Variants in RBMS3 observed in about 807,000 individuals in gnomAD.
The protein encoded by RBMS3 is RNA-binding motif, single-stranded-interacting protein 3.
In RBMS3, 27 loss-of-function variants were observed where a neutral mutation model predicts 66.8. The ratio of observed to expected loss-of-function variants is 0.40; its 90% CI spans 0.30 to 0.56. RBMS3 has a LOEUF of 0.56. Ranked by LOEUF, RBMS3 falls within the 20% of genes least tolerant of loss-of-function variation. The pLI is 0.40. For missense variants in RBMS3, 513 were observed against 549.5 expected, an observed-to-expected ratio of 0.93 and a Z score of 0.66; for synonymous variants, 188 against 183.0, an observed-to-expected ratio of 1.03 and a Z score of -0.22.
chr3:29,859,622 C>A (rs562450049), intron 6 of RBMS3, among the ~76,000 whole-genome samples: 1 of 152,310 alleles, frequency 6.6e-6, no homozygotes, highest in East Asian at 1.9e-4. Flanking sequence ...GATTTTATTA[C>A]AACTAAGAAT....
At chr3:29,444,788 CTT>C (rs558839351) in intron 2 of RBMS3, among the ~76,000 whole-genome samples, 2,134 of 50,172 alleles carry the variant, frequency 0.043, 18 homozygotes, top group Non-Finnish European at 0.065. Flanking sequence ...AAATATATGC[CTT>C]TTTTTTTTTT....
At chr3:29,964,842 A>G (rs1003631292) in intron 12 of RBMS3, among the ~76,000 whole-genome samples, 39 of 152,010 alleles carry the variant, frequency 2.6e-4, no homozygotes, top group Admixed American at 2.0e-3. Flanking sequence ...ACACTGCACC[A>G]TATTTGTAGT....
chr3:29,994,355 G>T (rs1699078425), intron 14 of RBMS3, among the ~76,000 whole-genome samples: 1 of 152,226 alleles, frequency 6.6e-6, no homozygotes, highest in African/African-American at 2.4e-5. Context: ...GCTGGGGGAG[G>T]GGCACCCGCC....
chr3:29,998,920 G>C (rs868589349), intron 14 of RBMS3, among the ~76,000 whole-genome samples: 2 of 152,020 alleles, frequency 1.3e-5, no homozygotes, highest in Admixed American at 6.5e-5. Flanking sequence ...ATTGACAAAT[G>C]GGATCTAATT....
intron 4 of RBMS3, among the ~76,000 whole-genome samples, chr3:29,712,106 G>T (rs1210525721): frequency 6.6e-6 from 1 of 152,048 alleles, no homozygotes; most frequent in East Asian, 1.9e-4. Flanking sequence ...TTGTTCTTTT[G>T]CCTCATTATA....
intron 4 of RBMS3, among the ~76,000 whole-genome samples, chr3:29,625,704 A>G (rs62237672): frequency 3.2e-4 from 42 of 133,254 alleles, no homozygotes; most frequent in East Asian, 2.3e-3. Flanking sequence ...ATTAAAGTAA[A>G]TAAATAAATA....
chr3:29,718,353 C>A (rs188728607), intron 4 of RBMS3, among the ~76,000 whole-genome samples: 1 of 151,522 alleles, frequency 6.6e-6, no homozygotes, highest in Non-Finnish European at 1.5e-5. Context: ...AAGCAGCCCA[C>A]GAGGCAAAAA....
chr3:29,478,924 T>A (rs553080120), intron 2 of RBMS3, among the ~76,000 whole-genome samples: 1 of 152,202 alleles, frequency 6.6e-6, no homozygotes, highest in South Asian at 2.1e-4. Flanking sequence ...GTTGGTAATT[T>A]TTCTGCGTTT....
At chr3:29,304,352 A>G (rs1559473874) in intron 1 of RBMS3, among the ~76,000 whole-genome samples, 1 of 151,970 alleles carries the variant, frequency 6.6e-6, no homozygotes, top group Non-Finnish European at 1.5e-5. Flanking sequence ...AGTTAAACTG[A>G]TATTTGGAAT....
At chr3:29,987,802 A>G (rs1698531907) in intron 12 of RBMS3, among the ~76,000 whole-genome samples, 1 of 152,180 alleles carries the variant, frequency 6.6e-6, no homozygotes, top group Non-Finnish European at 1.5e-5. Context: ...AGTAAAAAAG[A>G]GACATCATCC....
At chr3:29,576,782 T>A (rs1210941907) in intron 3 of RBMS3, among the ~76,000 whole-genome samples, 1 of 152,148 alleles carries the variant, frequency 6.6e-6, no homozygotes, top group African/African-American at 2.4e-5. Flanking sequence ...ATTGAGGGGT[T>A]CTGCCAGGCC....
chr3:29,534,983 T>G (rs1438150476), intron 3 of RBMS3, among the ~76,000 whole-genome samples: 1 of 151,994 alleles, frequency 6.6e-6, no homozygotes, highest in Non-Finnish European at 1.5e-5. Context: ...GGATATATGG[T>G]AGCAACTGGT....
intron 3 of RBMS3, among the ~76,000 whole-genome samples, chr3:29,573,313 G>T (rs1440282115): frequency 1.3e-5 from 2 of 152,074 alleles, no homozygotes; most frequent in African/African-American, 4.8e-5. Flanking sequence ...TAGAGATGGG[G>T]TTTCACCATG....
chr3:29,465,450 C>CAGAGTAATATG (rs1316442021), intron 2 of RBMS3, among the ~76,000 whole-genome samples: 2 of 137,036 alleles, frequency 1.5e-5, no homozygotes, highest in East Asian at 4.7e-4. Flanking sequence ...TATGTTCCTC[C>CAGAGTAATATG]TTCTATTATC....
chr3:29,409,658 T>C (rs536816894), intron 1 of RBMS3, among the ~76,000 whole-genome samples: 146 of 152,336 alleles, frequency 9.6e-4, no homozygotes, highest in African/African-American at 3.3e-3. Context: ...CACTGCTTTA[T>C]CATACTCGTG....
chr3:29,789,158 A>G (rs988355063), intron 6 of RBMS3, among the ~76,000 whole-genome samples: 17 of 151,812 alleles, frequency 1.1e-4, no homozygotes, highest in Admixed American at 3.3e-4. Flanking sequence ...GACTTCATTC[A>G]TGATGTATTT....
At chr3:29,737,600 TA>T (rs1196611041) in intron 4 of RBMS3, among the ~76,000 whole-genome samples, 1 of 152,126 alleles carries the variant, frequency 6.6e-6, no homozygotes, top group Non-Finnish European at 1.5e-5. Context: ...ATGTGAAGAT[TA>T]AAATTAAATG....
chr3:29,947,710 T>C (rs1476790258), intron 12 of RBMS3, among the ~76,000 whole-genome samples: 4 of 151,396 alleles, frequency 2.6e-5, no homozygotes, highest in Non-Finnish European at 4.4e-5. Context: ...CTTAAGCAAA[T>C]GTTAATGAAA....
At chr3:29,491,625 G>A (rs2043547195) in intron 3 of RBMS3, among the ~76,000 whole-genome samples, 1 of 152,150 alleles carries the variant, frequency 6.6e-6, no homozygotes, top group Admixed American at 6.5e-5. Flanking sequence ...AAGGAAGGAA[G>A]AGAGGGAAGG....
Sources: gnomAD v4.1 joint callset for allele counts (sites outside exome capture counted in the v4.1 genomes callset) on GRCh38, gnomAD v4.1.1 for gene constraint, MANE v1.5 for transcripts, NCBI Gene and HGNC (gene_info 2026-07-23, HGNC 2026-07-21) for gene names.